Variants in NOS1AP observed in about 807,000 individuals in gnomAD.
The protein encoded by NOS1AP is nitric oxide synthase 1 adaptor protein.
In NOS1AP, 21 loss-of-function variants were observed where a neutral mutation model predicts 56.2. That is an observed-to-expected ratio of 0.37 (90% CI 0.26 to 0.54). NOS1AP has a LOEUF of 0.54. NOS1AP is among the 20% of genes least tolerant of loss of function. The pLI is 0.84. For synonymous variants in NOS1AP, 270 were observed against 274.6 expected, an observed-to-expected ratio of 0.98 and a Z score of 0.17; for missense variants, 522 against 657.8, an observed-to-expected ratio of 0.79 and a Z score of 2.26.
chr1:162,149,981 G>T (rs1490871360), intron 1 of NOS1AP, among the ~76,000 whole-genome samples: 1 of 152,160 alleles, frequency 6.6e-6, no homozygotes, highest in Admixed American at 6.5e-5. Context: ...TTGTGTTACA[G>T]ATAATCCAAT....
In NOS1AP at chr1:162,369,677, G is replaced by A. The variant is rs986629448; in HGVS notation, c.*2210G>A. On this transcript the variant is annotated 3_prime_UTR_variant, in exon 10 of 10. Coordinates refer to ENST00000361897, the MANE Select transcript of NOS1AP (RefSeq NM_014697.3). The stretch of plus-strand genomic sequence containing the variant: ...ACTAGTTATCTGTGTTGCTGACTTT[G>A]GGACCCATCCAAGACTCCTGCCCTT... 1 of 152,276 alleles carries A rather than the reference G, an allele frequency of 6.6e-6. No homozygotes were observed. The highest frequency in any genetic ancestry group is 2.4e-5 in the African/African-American group (1 of 41,466). 9.4% of individuals were successfully genotyped at this position (152,276 alleles called of 1,614,324 possible).
At chr1:162,355,046 T>G (rs1291507744) in intron 6 of NOS1AP, 141 bp from the exon 7 acceptor site, 1 of 887,726 alleles carries the variant, frequency 1.1e-6, no homozygotes, top group African/African-American at 1.7e-5. Flanking sequence ...TTAACGTACT[T>G]GAGTGAAAAG....
At chr1:162,269,039 A>C (rs1020633895) in intron 2 of NOS1AP, among the ~76,000 whole-genome samples, 4 of 152,230 alleles carry the variant, frequency 2.6e-5, no homozygotes, top group African/African-American at 9.6e-5. Context: ...AAATGAAAGG[A>C]GCCACTAGTA....
chr1:162,218,665 C>T (rs568801128), intron 2 of NOS1AP, among the ~76,000 whole-genome samples: 134 of 152,282 alleles, frequency 8.8e-4, no homozygotes, highest in African/African-American at 3.0e-3. Flanking sequence ...ACCAATTTCC[C>T]TTGCTAAGTG....
At position 162,101,953 on chromosome 1, in the gene NOS1AP, C is replaced by G. The variant is rs903255911; in HGVS notation, c.105+31671C>G. Among the ~76,000 whole-genome samples, 3 of 152,064 alleles carry G rather than the reference C, an allele frequency of 2.0e-5. No individual in the cohort carries two copies. In the South Asian group the frequency reaches 6.2e-4, roughly 31 times the overall value. On this transcript the variant is annotated intron_variant, in intron 1 of 9. Transcript: ENST00000361897. ...TTATTTCTTTCTCTTGCCTGACTTC[C>G]CTGGCCAGAACTTCCAATACTACGT...
At chr1:162,185,979 G>A (rs1247751497) in intron 2 of NOS1AP, among the ~76,000 whole-genome samples, 3 of 152,322 alleles carry the variant, frequency 2.0e-5, no homozygotes, top group Admixed American at 6.5e-5. Context: ...ATAAGATGCT[G>A]CCTGGAGGTT....
At chr1:162,219,585 G>T (rs1196965938) in intron 2 of NOS1AP, among the ~76,000 whole-genome samples, 1 of 152,218 alleles carries the variant, frequency 6.6e-6, no homozygotes, top group East Asian at 1.9e-4. Flanking sequence ...TCATCAGGGA[G>T]ACAGATGGGG....
At chr1:162,187,532 C>G (rs1651483399) in intron 2 of NOS1AP, among the ~76,000 whole-genome samples, 1 of 152,092 alleles carries the variant, frequency 6.6e-6, no homozygotes, top group Non-Finnish European at 1.5e-5. Flanking sequence ...ATTTTGCACC[C>G]AAGGGTATGG....
At chr1:162,357,266 T>A (rs1162137334) in intron 8 of NOS1AP, 130 bp downstream of exon 8, 5 of 1,490,750 alleles carry the variant, frequency 3.4e-6, no homozygotes, top group Non-Finnish European at 3.6e-6. Flanking sequence ...TATTGGATCA[T>A]TGCTTGTTGG....
At chr1:162,284,159 C>T (rs1220530627) in intron 2 of NOS1AP, among the ~76,000 whole-genome samples, 1 of 152,188 alleles carries the variant, frequency 6.6e-6, no homozygotes, top group African/African-American at 2.4e-5. Flanking sequence ...CTCCTCTGTC[C>T]AAATTCATTT....
At chr1:162,250,581 G>C (rs1162162617) in intron 2 of NOS1AP, among the ~76,000 whole-genome samples, 1 of 152,084 alleles carries the variant, frequency 6.6e-6, no homozygotes, top group Non-Finnish European at 1.5e-5. Flanking sequence ...TAGTCATTGA[G>C]AATAAGTGAG....
At chr1:162,208,286 T>C (rs1485326100) in intron 2 of NOS1AP, among the ~76,000 whole-genome samples, 3 of 152,224 alleles carry the variant, frequency 2.0e-5, no homozygotes, top group African/African-American at 7.2e-5. Context: ...TTGAAGCACT[T>C]ACACACCCAA....
At chr1:162,253,811 T>C (rs1653941164) in intron 2 of NOS1AP, among the ~76,000 whole-genome samples, 1 of 152,238 alleles carries the variant, frequency 6.6e-6, no homozygotes, top group Middle Eastern at 3.2e-3. Flanking sequence ...TTTTTTCTCT[T>C]ATAAATGTTT....
chr1:162,253,511 AG>A (rs1262128429), intron 2 of NOS1AP, among the ~76,000 whole-genome samples: 1 of 152,226 alleles, frequency 6.6e-6, no homozygotes, highest in Admixed American at 6.5e-5. Context: ...TAGAAAAATG[AG>A]GAAAAAAGCT....
At chr1:162,265,619 G>A (rs113611057) in intron 2 of NOS1AP, among the ~76,000 whole-genome samples, 2 of 152,108 alleles carry the variant, frequency 1.3e-5, no homozygotes, top group African/African-American at 4.8e-5. Context: ...AATTTTATGT[G>A]GATTTGTGGG....
At chr1:162,211,759 A>C (rs978335226) in intron 2 of NOS1AP, among the ~76,000 whole-genome samples, 2 of 151,896 alleles carry the variant, frequency 1.3e-5, no homozygotes, top group African/African-American at 4.8e-5. Flanking sequence ...GATTGTTTAC[A>C]CTTTGCTGAC....
chr1:162,242,874 G>A (rs772434116), intron 2 of NOS1AP, among the ~76,000 whole-genome samples: 2 of 152,072 alleles, frequency 1.3e-5, no homozygotes, highest in East Asian at 1.9e-4. Flanking sequence ...ATTGGTCTTC[G>A]GGAAGGAGGG....
At chr1:162,362,969 G>A (rs925028234) in intron 8 of NOS1AP, 25 of 946,576 alleles carry the variant, frequency 2.6e-5, no homozygotes, top group Non-Finnish European at 3.1e-5. Context: ...CTGCTATACT[G>A]TCACAACATA....
chr1:162,304,628 T>G (rs187417608), intron 4 of NOS1AP, among the ~76,000 whole-genome samples: 196 of 152,290 alleles, frequency 1.3e-3, no homozygotes, highest in Non-Finnish European at 2.0e-3. Flanking sequence ...GTTGATAGTC[T>G]TGTGGATGTC....
Sources: allele counts gnomAD v4.1 joint callset (sites outside exome capture counted in the v4.1 genomes callset), GRCh38; gene constraint gnomAD v4.1.1; transcripts MANE v1.5; gene names NCBI Gene and HGNC (gene_info 2026-07-23, HGNC 2026-07-21).